NFIB: variants seen among roughly 807,000 people sequenced by gnomAD.
The protein encoded by NFIB is nuclear factor I B.
Under a neutral mutation model 61.5 loss-of-function variants are expected in NFIB, and 11 were observed. The observed-to-expected ratio is 0.18, with a 90% CI of 0.11 to 0.30. The LOEUF (loss-of-function observed/expected upper bound fraction) is 0.30. Ranked by LOEUF, NFIB falls within the 10% of genes least tolerant of loss-of-function variation. NFIB has a pLI of 1.00. For missense variants in NFIB, 471 were observed against 608.9 expected (o/e 0.77, Z 2.38); for synonymous variants, 260 against 216.5 (o/e 1.20, Z -1.76).
At chr9:14,521,323 A>G in the NFIB span, among the ~76,000 whole-genome samples, 17 of 152,208 alleles carry the variant, frequency 1.1e-4, no homozygotes, top group Non-Finnish European at 7.4e-5. Context: ...CATCAACTCC[A>G]TGTGAAAACA....
chr9:14,293,719 C>G (rs2059246453), intron 2 of NFIB, among the ~76,000 whole-genome samples: 1 of 152,154 alleles, frequency 6.6e-6, no homozygotes, highest in Admixed American at 6.5e-5. Context: ...ATGCCAGATA[C>G]CAAGAGCCAC....
chr9:14,167,611 T>C (rs1057420409), intron 3 of NFIB, among the ~76,000 whole-genome samples: 2 of 152,212 alleles, frequency 1.3e-5, no homozygotes, highest in Admixed American at 1.3e-4. Context: ...TTGTATGCTA[T>C]TATACCTCAA....
intron 2 of NFIB, among the ~76,000 whole-genome samples, chr9:14,291,054 T>TA (rs748711063): frequency 1.3e-5 from 2 of 152,144 alleles, no homozygotes; most frequent in Non-Finnish European, 2.9e-5. Flanking sequence ...AAGTAGCTGA[T>TA]ATTAAACTTT....
intron 1 of NFIB, among the ~76,000 whole-genome samples, chr9:14,345,457 C>T (rs1231109440): frequency 6.6e-6 from 1 of 152,090 alleles, no homozygotes; most frequent in African/African-American, 2.4e-5. Flanking sequence ...TCTAGGGTAC[C>T]GGAGCTTAAA....
chr9:14,151,320 G>A (rs2042846796), intron 4 of NFIB, among the ~76,000 whole-genome samples: 2 of 152,086 alleles, frequency 1.3e-5, no homozygotes, highest in South Asian at 4.1e-4. Flanking sequence ...CAGAGGAAGA[G>A]GTATAAATGA....
At chr9:14,092,755 T>C (rs1473222316) in intron 10 of NFIB, among the ~76,000 whole-genome samples, 6 of 152,116 alleles carry the variant, frequency 3.9e-5, no homozygotes, top group South Asian at 4.1e-4. Flanking sequence ...CTGAAACAAA[T>C]CTAGTTGAAG....
At chr9:14,150,344 T>C (rs2042728902) in intron 4 of NFIB, 79 bp from the exon 5 acceptor site, 1 of 1,593,954 alleles carries the variant, frequency 6.3e-7, no homozygotes, top group Non-Finnish European at 8.5e-7. Flanking sequence ...TCGAGAATCT[T>C]TCATGCCTCT....
chr9:14,415,091 T>A, the NFIB span, among the ~76,000 whole-genome samples: 1 of 152,252 alleles, frequency 6.6e-6, no homozygotes, highest in Admixed American at 6.5e-5. Flanking sequence ...TCAGCCAGGC[T>A]GCATTCTCAC....
At position 14,176,500 on chromosome 9, in the gene NFIB, C is replaced by A. The variant is rs185207338; in HGVS notation, c.616+3227G>T. On this transcript the variant is annotated intron_variant, in intron 3 of 10. Coordinates refer to ENST00000380953, the MANE Select transcript of NFIB (RefSeq NM_001190737.2). The stretch of plus-strand genomic sequence containing the variant: ...CAAACAAAACATTTAAGTCACAAAT[C>A]GTTTAAAGAAATACCATAAAGGCTA... 2.0e-4 allele frequency among the ~76,000 whole-genome samples: 31 copies of A among 152,068 alleles called. 1 individual carries two copies. The South Asian group carries it at 5.6e-3, about 27-fold the overall frequency.
intron 2 of NFIB, among the ~76,000 whole-genome samples, chr9:14,267,252 T>A (rs2057278123): frequency 6.6e-6 from 1 of 152,188 alleles, no homozygotes; most frequent in Non-Finnish European, 1.5e-5. Context: ...CTTTTACATA[T>A]AAAATATTTT....
intron 2 of NFIB, among the ~76,000 whole-genome samples, chr9:14,285,387 G>A (rs1266512755): frequency 1.3e-5 from 2 of 152,198 alleles, no homozygotes; most frequent in Non-Finnish European, 2.9e-5. Flanking sequence ...CTCCCAAAGT[G>A]CTGGGATTAC....
chr9:14,452,490 AGG>A, the NFIB span, among the ~76,000 whole-genome samples: 350 of 86,572 alleles, frequency 4.0e-3, 24 homozygotes, highest in Non-Finnish European at 5.6e-3. Flanking sequence ...AGGAAAGGAA[AGG>A]AAAGGAAAGG....
the NFIB span, among the ~76,000 whole-genome samples, chr9:14,459,704 G>A: frequency 1.2e-4 from 19 of 152,198 alleles, no homozygotes; most frequent in South Asian, 4.1e-4. Flanking sequence ...AAAAGCGGGC[G>A]AAGGATATGA....
chr9:14,493,177 C>T, the NFIB span, among the ~76,000 whole-genome samples: 2 of 152,182 alleles, frequency 1.3e-5, no homozygotes, highest in African/African-American at 4.8e-5. Flanking sequence ...CCTCCCAGGA[C>T]CCACATTCGT....
At chr9:14,480,732 G>A in the NFIB span, among the ~76,000 whole-genome samples, 1 of 152,108 alleles carries the variant, frequency 6.6e-6, no homozygotes, top group Admixed American at 6.5e-5. Context: ...AAACAAGGGA[G>A]CCACCATGGA....
intron 4 of NFIB, among the ~76,000 whole-genome samples, chr9:14,153,569 C>G (rs2043085342): frequency 6.6e-6 from 1 of 152,082 alleles, no homozygotes; most frequent in Non-Finnish European, 1.5e-5. Flanking sequence ...TCTCCTCACT[C>G]CAAAAGCTGA....
At chr9:14,211,635 T>G (rs189417942) in intron 2 of NFIB, among the ~76,000 whole-genome samples, 1 of 152,102 alleles carries the variant, frequency 6.6e-6, no homozygotes, top group East Asian at 1.9e-4. Flanking sequence ...GTCAAAGGAG[T>G]TGGTGACCAG....
intron 1 of NFIB, among the ~76,000 whole-genome samples, chr9:14,339,754 CTCT>C (rs2132870744): frequency 6.6e-6 from 1 of 152,300 alleles, no homozygotes; most frequent in East Asian, 1.9e-4. Context: ...CTACTCCATT[CTCT>C]TCATCTGCTA....
At chr9:14,257,960 G>C (rs1023506051) in intron 2 of NFIB, among the ~76,000 whole-genome samples, 1 of 152,014 alleles carries the variant, frequency 6.6e-6, no homozygotes, top group African/African-American at 2.4e-5. Context: ...CCTATAAATA[G>C]ATTTTGTTTA....
Sources: gnomAD v4.1 joint callset for allele counts (sites outside exome capture counted in the v4.1 genomes callset) on GRCh38, gnomAD v4.1.1 for gene constraint, MANE v1.5 for transcripts, NCBI Gene and HGNC (gene_info 2026-07-23, HGNC 2026-07-21) for gene names.